Variants in CCDC60 observed in about 807,000 individuals in gnomAD.
CCDC60 encodes coiled-coil domain containing 60, also known as coiled-coil domain-containing protein 60.
Under a neutral mutation model 63.5 loss-of-function variants are expected in CCDC60, and 54 were observed. The observed-to-expected ratio is 0.85, with a 90% CI of 0.68 to 1.07. The LOEUF (loss-of-function observed/expected upper bound fraction) is 1.07, where lower values mean the gene tolerates loss of function less well. CCDC60 is among the 50% of genes least tolerant of loss of function. The pLI is 0.00. For missense variants in CCDC60, 651 were observed against 684.3 expected, an observed-to-expected ratio of 0.95 and a Z score of 0.54; for synonymous variants, 206 against 238.8, an observed-to-expected ratio of 0.86 and a Z score of 1.27.
At chr12:119,495,607 A>G (rs1274147164) in intron 5 of CCDC60, among the ~76,000 whole-genome samples, 1 of 152,206 alleles carries the variant, frequency 6.6e-6, no homozygotes, top group Non-Finnish European at 1.5e-5. Flanking sequence ...TACTGTCGCA[A>G]TCGTTCTGAG....
At chr12:119,365,447 C>G (rs1955831469) in intron 1 of CCDC60, among the ~76,000 whole-genome samples, 2 of 152,188 alleles carry the variant, frequency 1.3e-5, no homozygotes, top group African/African-American at 4.8e-5. Flanking sequence ...TGATGACTGA[C>G]AAATTTATTA....
intron 7 of CCDC60, among the ~76,000 whole-genome samples, chr12:119,512,813 C>T (rs1196458288): frequency 1.3e-5 from 2 of 152,200 alleles, no homozygotes; most frequent in East Asian, 1.9e-4. Flanking sequence ...GTGTTTAAGG[C>T]TCTCCCTTTG....
chr12:119,400,142 G>A (rs113285865), intron 1 of CCDC60, among the ~76,000 whole-genome samples: 2 of 148,594 alleles, frequency 1.3e-5, no homozygotes, highest in South Asian at 2.1e-4. Flanking sequence ...CTCCGCCTCC[G>A]GGGTTCACAC....
chr12:119,373,997 T>C (rs1200962222), intron 1 of CCDC60, among the ~76,000 whole-genome samples: 1 of 152,158 alleles, frequency 6.6e-6, no homozygotes, highest in Non-Finnish European at 1.5e-5. Flanking sequence ...CTTTTTTTTT[T>C]TTTCTGCTCC....
intron 11 of CCDC60, 123 bp downstream of exon 11, chr12:119,523,941 G>A (rs767290565): frequency 6.8e-5 from 68 of 1,000,606 alleles, no homozygotes; most frequent in African/African-American, 9.8e-5. Context: ...TGTCCTCAGG[G>A]AGCTCACAGT....
At chr12:119,344,348 C>G (rs922865911) in intron 1 of CCDC60, among the ~76,000 whole-genome samples, 2 of 152,130 alleles carry the variant, frequency 1.3e-5, no homozygotes, top group Non-Finnish European at 2.9e-5. Context: ...GATGGTAAAA[C>G]CTTCCCCGTC....
At chr12:119,425,452 G>GC (rs1165131907) in intron 1 of CCDC60, among the ~76,000 whole-genome samples, 3 of 152,164 alleles carry the variant, frequency 2.0e-5, no homozygotes, top group African/African-American at 7.2e-5. Context: ...TAGCTGTTTT[G>GC]CCACTCCCAA....
chr12:119,384,971 C>T (rs544609296), intron 1 of CCDC60, among the ~76,000 whole-genome samples: 3 of 152,348 alleles, frequency 2.0e-5, no homozygotes, highest in African/African-American at 2.4e-5. Flanking sequence ...GCTTCACTGG[C>T]GAAACCATGT....
rs576233985 is a variant in CCDC60 at position 119,483,324 on chromosome 12, C to T, written c.449+4123C>T. Among the ~76,000 whole-genome samples, 68 of 152,374 alleles carry T rather than the reference C, an allele frequency of 4.5e-4. 1 individual carries two copies. Among genetic ancestry groups the T allele is most frequent in the Admixed American group, 1.2e-3 (19 of 15,306 alleles). ...CAGCCAATGCGGATCAGAGCCTGGTCAGTCCCTTCAGTCCCTGTGTGATCG... is the reference window on the plus strand; with the variant it reads ...CAGCCAATGCGGATCAGAGCCTGGTTAGTCCCTTCAGTCCCTGTGTGATCG... On this transcript the variant is annotated intron_variant, in intron 4 of 13. Coordinates refer to ENST00000327554, the MANE Select transcript of CCDC60 (RefSeq NM_178499.5).
intron 4 of CCDC60, among the ~76,000 whole-genome samples, chr12:119,483,914 T>C (rs1593155606): frequency 1.3e-5 from 2 of 152,078 alleles, no homozygotes; most frequent in African/African-American, 4.8e-5. Context: ...AAGACCGATT[T>C]CTATCAAGCA....
intron 8 of CCDC60, among the ~76,000 whole-genome samples, chr12:119,518,026 G>A (rs983757260): frequency 1.3e-5 from 2 of 152,124 alleles, no homozygotes; most frequent in African/African-American, 4.8e-5. Context: ...ATTGGTTATT[G>A]TTATTACCAC....
intron 1 of CCDC60, among the ~76,000 whole-genome samples, chr12:119,397,169 A>G (rs1956272004): frequency 6.6e-6 from 1 of 152,202 alleles, no homozygotes; most frequent in African/African-American, 2.4e-5. Flanking sequence ...CATGGTGAGC[A>G]TTACAGCTCA....
chr12:119,485,462 G>A (rs936977952), intron 4 of CCDC60, among the ~76,000 whole-genome samples: 2 of 152,200 alleles, frequency 1.3e-5, no homozygotes, highest in Admixed American at 6.5e-5. Context: ...GAACAGAAAC[G>A]TATTTCCTCA....
At chr12:119,487,746 GAATTA>G (rs1403192701) in intron 4 of CCDC60, among the ~76,000 whole-genome samples, 2 of 152,134 alleles carry the variant, frequency 1.3e-5, no homozygotes, top group Non-Finnish European at 2.9e-5. Context: ...GTTGTAGGAA[GAATTA>G]AATAATGTGT....
chr12:119,509,962 G>A (rs1309943586), intron 7 of CCDC60, among the ~76,000 whole-genome samples: 3 of 152,070 alleles, frequency 2.0e-5, no homozygotes, highest in Non-Finnish European at 4.4e-5. Flanking sequence ...AGAGCAAATT[G>A]ATTTTTTTTT....
intron 1 of CCDC60, among the ~76,000 whole-genome samples, chr12:119,404,484 T>A (rs4767818): frequency 6.6e-6 from 1 of 151,908 alleles, no homozygotes; most frequent in African/African-American, 2.4e-5. Flanking sequence ...AGTTTGGGGG[T>A]GGGTGTGTGT....
intron 13 of CCDC60, among the ~76,000 whole-genome samples, chr12:119,538,988 C>T (rs1229961768): frequency 6.6e-6 from 1 of 152,216 alleles, no homozygotes; most frequent in Non-Finnish European, 1.5e-5. Context: ...GAGGTCCACT[C>T]CAGACCCTGT....
intron 7 of CCDC60, among the ~76,000 whole-genome samples, chr12:119,507,568 ATG>A (rs201220069): frequency 0.066 from 3,702 of 55,872 alleles, 305 homozygotes; most frequent in African/African-American, 0.14. Context: ...ATATATATAT[ATG>A]TATATATACA....
chr12:119,538,234 A>G (rs1409921100), intron 13 of CCDC60, among the ~76,000 whole-genome samples: 1 of 152,226 alleles, frequency 6.6e-6, no homozygotes, highest in Non-Finnish European at 1.5e-5. Context: ...CCAGGCGCAT[A>G]TAATTTCCTG....
Sources: gnomAD v4.1 joint callset for allele counts (sites outside exome capture counted in the v4.1 genomes callset) on GRCh38, gnomAD v4.1.1 for gene constraint, MANE v1.5 for transcripts, NCBI Gene and HGNC (gene_info 2026-07-23, HGNC 2026-07-21) for gene names.